The following PRKAR1B variants were observed in gnomAD, a reference collection of about 807,000 sequenced individuals.
The protein encoded by PRKAR1B is cAMP-dependent protein kinase type I-beta regulatory subunit.
PRKAR1B carries 22 observed loss-of-function variants against 46.5 expected under a neutral mutation model. The ratio of observed to expected loss-of-function variants is 0.47; its 90% CI spans 0.34 to 0.68. The LOEUF is 0.68. Among genes scored for constraint, PRKAR1B ranks in the 30% least tolerant of loss-of-function variants. The pLI is 0.01. For synonymous variants in PRKAR1B, 259 were observed against 217.7 expected, an observed-to-expected ratio of 1.19 and a Z score of -1.67; for missense variants, 445 against 535.6, an observed-to-expected ratio of 0.83 and a Z score of 1.67.
Position 562,823 on chromosome 7 carries a change from T to C in PRKAR1B, c.892-11353A>G, listed in dbSNP as rs113513574. 7.2e-3 allele frequency among the ~76,000 whole-genome samples: 1,103 copies of C among 152,146 alleles called. 16 individuals carry two copies. Among genetic ancestry groups the C allele is most frequent in the African/African-American group, 0.025 (1,047 of 41,452 alleles). On this transcript the variant is annotated intron_variant, in intron 9 of 10. Transcript: ENST00000537384. ...TCCATGCCCCCCAACCATGACTCCC[T>C]CCACCATGCTGACCCCCGGCCAGGA...
chr7:639,814 G>A (rs926883737), intron 4 of PRKAR1B, among the ~76,000 whole-genome samples: 16 of 151,878 alleles, frequency 1.1e-4, no homozygotes, highest in African/African-American at 3.6e-4. Flanking sequence ...TGATCATCGC[G>A]CCACTGCACT....
intron 2 of PRKAR1B, among the ~76,000 whole-genome samples, chr7:704,547 G>A (rs573239821): frequency 4.0e-4 from 61 of 152,248 alleles, no homozygotes; most frequent in African/African-American, 1.4e-3. Context: ...AGGCCGAGGC[G>A]GGTGGATCAC....
chr7:699,966 G>C (rs1329468799), intron 2 of PRKAR1B, among the ~76,000 whole-genome samples: 1 of 152,202 alleles, frequency 6.6e-6, no homozygotes, highest in Non-Finnish European at 1.5e-5. Flanking sequence ...TCAGCCGAGG[G>C]GACAGCGGCG....
intron 9 of PRKAR1B, among the ~76,000 whole-genome samples, chr7:552,376 G>A (rs71518310): frequency 0.031 from 193 of 6,214 alleles, no homozygotes; most frequent in East Asian, 0.047. Flanking sequence ...CCCACCTCCC[G>A]CCCGGGTCCT....
At chr7:562,821 C>T (rs1218932899) in intron 9 of PRKAR1B, among the ~76,000 whole-genome samples, 1 of 152,212 alleles carries the variant, frequency 6.6e-6, no homozygotes, top group African/African-American at 2.4e-5. Flanking sequence ...ACCATGACTC[C>T]CTCCACCATG....
chr7:606,253 A>C lies in PRKAR1B; in HGVS notation c.503-14T>G, dbSNP rs759589778. On this transcript the variant is annotated splice_polypyrimidine_tract_variant and intron_variant, in intron 5 of 10. Transcript: ENST00000537384. ...CTCCTTCATTCCCTGTAACAAAAGA[A>C]GAAAGTCAACAGATACAAAGTACAT... 1 of 1,612,782 alleles carries C rather than the reference A, an allele frequency of 6.2e-7. No homozygotes were observed. The highest frequency in any genetic ancestry group is 8.5e-7 in the Non-Finnish European group (1 of 1,179,008).
At chr7:634,169 C>T (rs1386410210) in intron 4 of PRKAR1B, among the ~76,000 whole-genome samples, 4 of 152,160 alleles carry the variant, frequency 2.6e-5, no homozygotes, top group African/African-American at 9.6e-5. Context: ...ATTACAGGCG[C>T]CTGCCACCAT....
chr7:647,643 A>G (rs1438047149), intron 4 of PRKAR1B, among the ~76,000 whole-genome samples: 1 of 151,742 alleles, frequency 6.6e-6, no homozygotes. Context: ...CGTCTCTACT[A>G]AAAATACAAA....
At chr7:651,224 G>A (rs994413659) in intron 4 of PRKAR1B, among the ~76,000 whole-genome samples, 1 of 152,224 alleles carries the variant, frequency 6.6e-6, no homozygotes, top group Non-Finnish European at 1.5e-5. Flanking sequence ...AAGTCCGCAG[G>A]GACCTGCCAT....
intron 4 of PRKAR1B, among the ~76,000 whole-genome samples, chr7:662,832 C>A (rs1785687590): frequency 1.3e-5 from 2 of 152,206 alleles, no homozygotes; most frequent in African/African-American, 2.4e-5. Context: ...TGGGCCCCAG[C>A]CTCCAAAGCT....
At chr7:583,054 G>C (rs189587218) in intron 8 of PRKAR1B, among the ~76,000 whole-genome samples, 25 of 152,214 alleles carry the variant, frequency 1.6e-4, no homozygotes, top group African/African-American at 5.8e-4. Context: ...GGGGCTGCCA[G>C]GGCCGGGAGG....
chr7:607,416 G>T lies in PRKAR1B; in HGVS notation c.477C>A (p.Ile159=), dbSNP rs773154465. The T allele has an allele frequency of 1.2e-6, 2 of 1,613,942 alleles. No individual in the cohort carries two copies. The highest frequency in any genetic ancestry group is 2.2e-5 in the South Asian group (2 of 91,072). ...CTTGCTGTATAACAGTCTCCCCAGC[G>T]ATGTGAGTGACAGGGAACATGGCAT... is the stretch of plus-strand genomic sequence containing the variant. ...IFDAMFPVTH[I]AGETVIQQGN... is the part of the protein sequence containing the mutation. Residue 159 remains isoleucine (I), a synonymous_variant, in exon 5 of 11, where the codon ATC becomes ATA. Transcript: ENST00000537384.
At chr7:689,003 C>T (rs1180867077) in intron 2 of PRKAR1B, among the ~76,000 whole-genome samples, 3 of 152,206 alleles carry the variant, frequency 2.0e-5, no homozygotes, top group Non-Finnish European at 4.4e-5. Context: ...GAGATCCCCC[C>T]AGGGGAAGCA....
chr7:728,642 G>A (rs921665632), upstream of PRKAR1B, among the ~76,000 whole-genome samples: 1 of 152,202 alleles, frequency 6.6e-6, no homozygotes, highest in African/African-American at 2.4e-5. Context: ...TCCCTACCCA[G>A]TCTGTACATC....
In PRKAR1B at chr7:680,540, G is replaced by C. The variant is rs754913996; in HGVS notation, c.348+16C>G. 2.4e-5 allele frequency: 38 copies of C among 1,600,426 alleles called. No individual in the cohort carries two copies. The South Asian group carries it at 4.0e-4, about 17-fold the overall frequency. Reference sequence around the variant, plus strand: ...CGAGGCCTGGGGACAGGAACCCCGTGACCCGTGAGCCTCACCTTCCTGACG... The same window carrying C: ...CGAGGCCTGGGGACAGGAACCCCGTCACCCGTGAGCCTCACCTTCCTGACG... On this transcript the variant is annotated intron_variant, in intron 3 of 10. Coordinates refer to ENST00000537384, the MANE Select transcript of PRKAR1B (RefSeq NM_001164760.2).
At chr7:668,629 A>G (rs1786062219) in intron 4 of PRKAR1B, among the ~76,000 whole-genome samples, 1 of 152,136 alleles carries the variant, frequency 6.6e-6, no homozygotes, top group African/African-American at 2.4e-5. Context: ...TAGCTCTCGG[A>G]TCCAGAGGGG....
intron 4 of PRKAR1B, among the ~76,000 whole-genome samples, chr7:653,009 C>A (rs183120929): frequency 1.6e-4 from 25 of 152,298 alleles, no homozygotes; most frequent in East Asian, 7.7e-4. Context: ...CCCAGCTCCA[C>A]CCCCAGGAGT....
chr7:727,390 A>C (rs868398479), upstream of PRKAR1B: 114 of 580,112 alleles, frequency 2.0e-4, no homozygotes, highest in Admixed American at 6.0e-4. Flanking sequence ...GGCCCCTCTC[A>C]CAACCCCCGC....
chr7:580,334 GC>G (rs1373128659), intron 8 of PRKAR1B, among the ~76,000 whole-genome samples: 3 of 151,730 alleles, frequency 2.0e-5, no homozygotes, highest in African/African-American at 7.3e-5. Context: ...TGGGTGGATT[GC>G]CTGAGCTCAG....
Sources: allele counts gnomAD v4.1 joint callset (sites outside exome capture counted in the v4.1 genomes callset), GRCh38; gene constraint gnomAD v4.1.1; transcripts MANE v1.5; gene names NCBI Gene and HGNC (gene_info 2026-07-23, HGNC 2026-07-21).